The following PAX1 variants were observed in gnomAD, a reference collection of about 807,000 sequenced individuals.
PAX1 encodes paired box 1.
In PAX1, 18 loss-of-function variants were observed where a neutral mutation model predicts 35.6. That is an observed-to-expected ratio of 0.50 (90% confidence interval 0.35 to 0.75). The LOEUF (loss-of-function observed/expected upper bound fraction) is 0.75, where lower values mean the gene tolerates loss of function less well. Among genes scored for constraint, PAX1 ranks in the 30% least tolerant of loss-of-function variants. PAX1 has a pLI of 0.01. For synonymous variants in PAX1, 397 were observed against 305.2 expected, an observed-to-expected ratio of 1.30 and a Z score of -3.14; for missense variants, 760 against 661.5, an observed-to-expected ratio of 1.15 and a Z score of -1.63.
Position 21,714,468 on chromosome 20 carries a change from C to T in PAX1, c.1283-3C>T. On this transcript the variant is annotated splice_polypyrimidine_tract_variant and splice_region_variant and intron_variant, in intron 4 of 4. Transcript: ENST00000613128. ...TCCGACGCCTCTGTGCTTCCTCCCG[C>T]AGTGGCTGACAGGAAGCCTCCCAGC... 1.3e-6 allele frequency: 2 copies of T among 1,566,298 alleles called. No individual in the cohort carries two copies. Among genetic ancestry groups the T allele is most frequent in the Middle Eastern group, 1.7e-4 (1 of 5,840 alleles).
rs752741144 is a variant in PAX1, at chr20:21,714,715, GC to G, written c.*158del. The G allele has an allele frequency of 1.2e-6, 2 of 1,605,634 alleles. No homozygotes were observed. Among genetic ancestry groups the G allele is most frequent in the African/African-American group, 1.3e-5 (1 of 74,928 alleles). On this transcript the variant is annotated 3_prime_UTR_variant, in exon 5 of 5. Transcript: ENST00000613128. The stretch of plus-strand genomic sequence containing the variant: ...GGCCCGCGGGGTGCACGCCCAGCCA[GC>G]CCCCAGGCCCAGCCCTGCCTCTGGC...
intron 4 of PAX1, among the ~76,000 whole-genome samples, chr20:21,711,918 A>G (rs537188251): frequency 1.3e-5 from 2 of 152,254 alleles, no homozygotes; most frequent in Non-Finnish European, 2.9e-5. Flanking sequence ...TAATATCTTC[A>G]AAGAAACCTG....
intron 4 of PAX1, among the ~76,000 whole-genome samples, chr20:21,713,627 G>A (rs1332033887): frequency 6.6e-6 from 1 of 152,214 alleles, no homozygotes; most frequent in Non-Finnish European, 1.5e-5. Flanking sequence ...TAGTGTAGGA[G>A]AAGCAGAGTG....
chr20:21,712,027 G>A lies in PAX1; in HGVS notation c.1283-2444G>A, dbSNP rs1431911262. 3.9e-5 allele frequency among the ~76,000 whole-genome samples: 6 copies of A among 152,286 alleles called. 1 individual carries two copies. In the East Asian group the frequency reaches 7.7e-4, roughly 20 times the overall value. ...TTTCAGTAAGAAAAAATTCTTCTGT[G>A]TAATGAAAAGCAATTTAATACAATA... On this transcript the variant is annotated intron_variant, in intron 4 of 4. Transcript: ENST00000613128.
intron 2 of PAX1, among the ~76,000 whole-genome samples, chr20:21,707,407 C>A (rs1408422156): frequency 6.6e-6 from 1 of 152,114 alleles, no homozygotes; most frequent in African/African-American, 2.4e-5. Flanking sequence ...ATTTTGAGAC[C>A]CTTTCTTTAG....
rs980987969 is a variant in PAX1, at chr20:21,705,875, G to A, written c.163G>A (p.Ala55Thr). The change falls in exon 1 of 5, where the codon GCC becomes ACC. Residue 55 changes from alanine to threonine, a missense_variant. This residue lies in a region of PAX1 where 222 missense variants were observed against 153.0 expected (regional missense o/e 1.45). Coordinates refer to ENST00000613128, the MANE Select transcript of PAX1 (RefSeq NM_001257096.2). Reference sequence around the variant, plus strand: ...CCGCCGCGGCTCTCGGCTCTCGGGCGCCCTCCCTCTATGCCTCTCACGCGG... The same window carrying A: ...CCGCCGCGGCTCTCGGCTCTCGGGCACCCTCCCTCTATGCCTCTCACGCGG... ...LGRRGSRLSG[A>T]LPLCLSRGGG... 5.7e-6 allele frequency: 8 copies of A among 1,393,374 alleles called. No homozygotes were observed. The highest frequency in any genetic ancestry group is 5.3e-4 in the Middle Eastern group (2 of 3,804). The allele number at this position is 1,393,374 out of a possible 1,614,324, so 86.3% of individuals were successfully genotyped here.
rs374816772 is a variant in PAX1 at position 21,714,729 on chromosome 20, C to T, written c.*167C>T. ...ACGCCCAGCCAGCCCCCAGGCCCAG[C>T]CCTGCCTCTGGCCGGACCCACCACA... is the stretch of plus-strand genomic sequence containing the variant. On this transcript the variant is annotated 3_prime_UTR_variant, in exon 5 of 5. Transcript: ENST00000613128. The T allele has an allele frequency of 2.7e-5, 43 of 1,604,870 alleles. No individual in the cohort carries two copies. The highest frequency in any genetic ancestry group is 3.5e-5 in the Non-Finnish European group (41 of 1,179,896).
intron 4 of PAX1, among the ~76,000 whole-genome samples, chr20:21,709,944 G>GT (rs957903493): frequency 9.9e-5 from 15 of 152,026 alleles, no homozygotes; most frequent in African/African-American, 3.6e-4. Context: ...CTGCCCATCT[G>GT]TTTTTTCCAG....
In PAX1 at chr20:21,705,848, G is replaced by C. The variant is rs1204731167; in HGVS notation, c.136G>C (p.Gly46Arg). The C allele has an allele frequency of 7.3e-7, 1 of 1,372,070 alleles. No individual in the cohort carries two copies. The highest frequency in any genetic ancestry group is 9.5e-7 in the Non-Finnish European group (1 of 1,057,624). 85.0% of individuals were successfully genotyped at this position (1,372,070 alleles called of 1,614,324 possible). ...ACAGCGCGTCTCCAGCCCGCGGCTG[G>C]GCCGCCGCGGCTCTCGGCTCTCGGG... Reference protein sequence around the residue: ...RAQRVSSPRLGRRGSRLSGAL... With the variant: ...RAQRVSSPRLRRRGSRLSGAL... The change falls in exon 1 of 5, where the codon GGC becomes CGC. Residue 46 changes from glycine to arginine, a missense_variant. This residue lies in a region of PAX1 where 222 missense variants were observed against 153.0 expected (regional missense o/e 1.45). Transcript: ENST00000613128.
At position 21,706,919 on chromosome 20, in the gene PAX1, C is replaced by T. The variant is rs1232905212; in HGVS notation, c.768C>T (p.Tyr256=). ...LPYNHIYQYP[Y]PSPVSPTGAK... ...ACAACCACATCTACCAGTACCCCTACCCCAGTCCCGTGTCGCCCACGGGCG... is the reference window on the plus strand; with the variant it reads ...ACAACCACATCTACCAGTACCCCTATCCCAGTCCCGTGTCGCCCACGGGCG... The change falls in exon 2 of 5, where the codon TAC becomes TAT. Residue 256 remains tyrosine (Y), a synonymous_variant. Coordinates refer to ENST00000613128, the MANE Select transcript of PAX1 (RefSeq NM_001257096.2). The surrounding 1 kb of genome is among the most constrained non-coding windows in gnomAD (Gnocchi z 5.3). 5 of 1,612,916 alleles carry T rather than the reference C, an allele frequency of 3.1e-6. No homozygotes were observed. The highest frequency in any genetic ancestry group is 4.2e-6 in the Non-Finnish European group (5 of 1,179,764).
intron 4 of PAX1, among the ~76,000 whole-genome samples, 166 bp downstream of exon 4, chr20:21,709,610 A>T (rs1363576660): frequency 6.6e-6 from 1 of 152,070 alleles, no homozygotes. Flanking sequence ...CTTGGAGCAG[A>T]TTAGTTCTGA....
Position 21,706,856 on chromosome 20 carries a change from G to T in PAX1, c.705G>T (p.Glu235Asp), listed in dbSNP as rs1390697534. 1 of 1,613,384 alleles carries T rather than the reference G, an allele frequency of 6.2e-7. No homozygotes were observed. Among genetic ancestry groups the T allele is most frequent in the Non-Finnish European group, 8.5e-7 (1 of 1,180,022 alleles). The change falls in exon 2 of 5, where the codon GAG becomes GAT. Residue 235 changes from glutamate (E) to aspartate (D), a missense_variant. Transcript: ENST00000613128. This position sits in a 1 kb window ranked among gnomAD's most constrained non-coding sequence, Gnocchi z 5.3. Reference sequence around the variant, plus strand: ...GCCTGGCGCAGCCCGGACCGTACGAGGCAAGTAAGCAGCCGCCGTCGCAGC... The same window carrying T: ...GCCTGGCGCAGCCCGGACCGTACGATGCAAGTAAGCAGCCGCCGTCGCAGC... ...IGSLAQPGPYEASKQPPSQPT... is the reference protein window; with the variant it reads ...IGSLAQPGPYDASKQPPSQPT...
In PAX1 at chr20:21,716,451, A is replaced by G. The variant is rs182720854; in HGVS notation, c.*1889A>G. 42 of 151,924 alleles carry G rather than the reference A, an allele frequency of 2.8e-4. No individual in the cohort carries two copies. The highest frequency in any genetic ancestry group is 3.5e-3 in the Middle Eastern group (1 of 286). The allele number at this position is 151,924 out of a possible 1,614,324, so 9.4% of individuals were successfully genotyped here. A position where few individuals can be genotyped will look rare whatever the true frequency, so the allele number is the denominator to read the frequency against. On this transcript the variant is annotated 3_prime_UTR_variant, in exon 5 of 5. Coordinates refer to ENST00000613128, the MANE Select transcript of PAX1 (RefSeq NM_001257096.2). Reference sequence around the variant, plus strand: ...TCTGTTGAAGGTATCAATTATAAAAAAGTACTTACTTTTTTCCTAGAGAGA... The same window carrying G: ...TCTGTTGAAGGTATCAATTATAAAAGAGTACTTACTTTTTTCCTAGAGAGA...
At chr20:21,708,426 T>C in intron 2 of PAX1, 132 bp from the exon 3 acceptor site, 1 of 1,002,306 alleles carries the variant, frequency 1.0e-6, no homozygotes, top group Non-Finnish European at 1.6e-6. Context: ...CGCCTCCTGG[T>C]GGAGTGTCAG....
At position 21,717,902 on chromosome 20, in the gene PAX1, T is replaced by C. The variant is rs1237829812; in HGVS notation, c.*3340T>C. 1 of 152,202 alleles carries C rather than the reference T, an allele frequency of 6.6e-6. No individual in the cohort carries two copies. The highest frequency in any genetic ancestry group is 1.5e-5 in the Non-Finnish European group (1 of 68,040). The allele number at this position is 152,202 out of a possible 1,614,324, so 9.4% of individuals were successfully genotyped here. A position where few individuals can be genotyped will look rare whatever the true frequency, so the allele number is the denominator to read the frequency against. On this transcript the variant is annotated 3_prime_UTR_variant, in exon 5 of 5. Transcript: ENST00000613128. ...AGGTGAATGCTGTTATAGTCTTTTG[T>C]GAATCTTTCCAGGAAAAACATGCAT...
At chr20:21,713,802 G>T (rs1344006341) in intron 4 of PAX1, among the ~76,000 whole-genome samples, 1 of 152,244 alleles carries the variant, frequency 6.6e-6, no homozygotes, top group African/African-American at 2.4e-5. Context: ...GAGGCCCACA[G>T]GTCCCAGGAC....
At chr20:21,708,759 G>T in intron 3 of PAX1, 59 bp downstream of exon 3, 1 of 1,576,208 alleles carries the variant, frequency 6.3e-7, no homozygotes, top group South Asian at 1.1e-5. Context: ...GTTTGGGCAA[G>T]TGGGGAAAAA....
Position 21,718,168 on chromosome 20 carries a change from T to G in PAX1, c.*3606T>G, listed in dbSNP as rs1003655454. ...TAAAGACAGGATTTTGTTGTGTTCATTATTGGAGGAAGTACTTGCAATGGA... is the reference window on the plus strand; with the variant it reads ...TAAAGACAGGATTTTGTTGTGTTCAGTATTGGAGGAAGTACTTGCAATGGA... On this transcript the variant is annotated 3_prime_UTR_variant, in exon 5 of 5. Transcript: ENST00000613128. 52 of 152,228 alleles carry G rather than the reference T, an allele frequency of 3.4e-4. No homozygotes were observed. The highest frequency in any genetic ancestry group is 1.2e-3 in the African/African-American group (50 of 41,458). 9.4% of individuals were successfully genotyped at this position (152,228 alleles called of 1,614,324 possible). A position where few individuals can be genotyped will look rare whatever the true frequency, so the allele number is the denominator to read the frequency against.
chr20:21,705,690 T>C lies in PAX1; in HGVS notation c.-23T>C. 1 of 1,235,524 alleles carries C rather than the reference T, an allele frequency of 8.1e-7. No individual in the cohort carries two copies. The allele number at this position is 1,235,524 out of a possible 1,614,324, so 76.5% of individuals were successfully genotyped here. A position where few individuals can be genotyped will look rare whatever the true frequency, so the allele number is the denominator to read the frequency against. ...ATTCCCGCACGCTGCAGCCTCCCGG[T>C]CAGACGAATTTCTCCCAATCGGATG... On this transcript the variant is annotated 5_prime_UTR_variant, in exon 1 of 5. Coordinates refer to ENST00000613128, the MANE Select transcript of PAX1 (RefSeq NM_001257096.2).
Sources: allele counts gnomAD v4.1 joint callset (sites outside exome capture counted in the v4.1 genomes callset), GRCh38; gene constraint gnomAD v4.1.1; regional missense constraint gnomAD v4.1.1; non-coding constraint Gnocchi (gnomAD v3.1); transcripts MANE v1.5; gene names NCBI Gene and HGNC (gene_info 2026-07-23, HGNC 2026-07-21).